PTPRG: variants seen among roughly 807,000 people sequenced by gnomAD.
PTPRG encodes protein tyrosine phosphatase receptor type G, also known as receptor-type tyrosine-protein phosphatase gamma.
A neutral mutation model predicts 165.3 loss-of-function variants in PTPRG; 102 were observed. That is an observed-to-expected ratio of 0.62 (90% CI 0.53 to 0.73). PTPRG has a LOEUF of 0.73. Ranked by LOEUF, PTPRG falls within the 30% of genes least tolerant of loss-of-function variation. PTPRG has a pLI of 0.00. For synonymous variants in PTPRG, 675 were observed against 669.5 expected (o/e 1.01, Z -0.13); for missense variants, 1,866 against 1,861.4 (o/e 1.00, Z -0.05).
chr3:61,913,014 C>A (rs1239606086), intron 2 of PTPRG, among the ~76,000 whole-genome samples: 1 of 152,168 alleles, frequency 6.6e-6, no homozygotes, highest in Non-Finnish European at 1.5e-5. Context: ...AGAGCACCAG[C>A]CAAGGAGACC....
intron 11 of PTPRG, among the ~76,000 whole-genome samples, chr3:62,202,602 A>C (rs890787580): frequency 1.3e-5 from 2 of 152,240 alleles, no homozygotes; most frequent in Non-Finnish European, 2.9e-5. Flanking sequence ...TGCCCAGAGC[A>C]TGCAGTGCAG....
At chr3:62,178,821 T>C (rs1343532803) in intron 8 of PTPRG, among the ~76,000 whole-genome samples, 2 of 152,358 alleles carry the variant, frequency 1.3e-5, no homozygotes, top group African/African-American at 2.4e-5. Context: ...CTTTCTTTGC[T>C]CACTAGAAAA....
chr3:62,260,915 T>C (rs967693943), intron 16 of PTPRG: 3 of 152,194 alleles, frequency 2.0e-5, no homozygotes, highest in African/African-American at 7.2e-5. Flanking sequence ...CTGTCATTCA[T>C]CTAATTGGAA....
At chr3:61,709,246 G>T (rs111297641) in intron 1 of PTPRG, among the ~76,000 whole-genome samples, 2,183 of 152,166 alleles carry the variant, frequency 0.014, 62 homozygotes, top group African/African-American at 0.049. Flanking sequence ...CAAAACTCTT[G>T]GCCATATATG....
intron 1 of PTPRG, among the ~76,000 whole-genome samples, chr3:61,705,556 A>T (rs757651241): frequency 2.0e-4 from 30 of 152,324 alleles, no homozygotes; most frequent in Middle Eastern, 3.4e-3. Context: ...CATCAAAGAA[A>T]GGATGCTTTG....
At chr3:61,563,552 G>T (rs1309807517) in intron 1 of PTPRG, among the ~76,000 whole-genome samples, 1 of 152,190 alleles carries the variant, frequency 6.6e-6, no homozygotes, top group Admixed American at 6.5e-5. Flanking sequence ...AAGAAGGGGT[G>T]ATTTGCTTTT....
chr3:61,917,958 A>C (rs1419562609), intron 2 of PTPRG, among the ~76,000 whole-genome samples: 1 of 140,110 alleles, frequency 7.1e-6, no homozygotes, highest in Non-Finnish European at 1.7e-5. Context: ...TAAATAAATA[A>C]AAGAAGAAGA....
chr3:61,573,836 TCTTC>T (rs2106779985), intron 1 of PTPRG, among the ~76,000 whole-genome samples: 1 of 152,340 alleles, frequency 6.6e-6, no homozygotes, highest in East Asian at 1.9e-4. Flanking sequence ...AAGGTTAATA[TCTTC>T]CTTAAGAGAA....
chr3:62,290,903 T>C (rs1035867708), intron 28 of PTPRG, among the ~76,000 whole-genome samples: 9 of 152,100 alleles, frequency 5.9e-5, no homozygotes, highest in Non-Finnish European at 1.3e-4. Flanking sequence ...AAATAAAAGA[T>C]GTATCAACTT....
intron 2 of PTPRG, among the ~76,000 whole-genome samples, chr3:61,871,912 G>T (rs1193733929): frequency 6.6e-6 from 1 of 152,128 alleles, no homozygotes; most frequent in Non-Finnish European, 1.5e-5. Context: ...TAAGAATCCA[G>T]GGATCTGTGT....
intron 1 of PTPRG, among the ~76,000 whole-genome samples, chr3:61,686,649 C>G (rs189782815): frequency 6.6e-6 from 1 of 152,286 alleles, no homozygotes; most frequent in East Asian, 1.9e-4. Context: ...AACCTGACAG[C>G]CCATTAATAG....
chr3:62,119,661 C>A (rs556308128), intron 5 of PTPRG, among the ~76,000 whole-genome samples: 1 of 151,726 alleles, frequency 6.6e-6, no homozygotes, highest in Non-Finnish European at 1.5e-5. Flanking sequence ...TGCTTTGTCA[C>A]CCAGGCTGCA....
Position 62,029,351 on chromosome 3 carries a change from C to A in PTPRG, c.519+25854C>A, listed in dbSNP as rs150022612. Among the ~76,000 whole-genome samples, 491 of 152,228 alleles carry A rather than the reference C, an allele frequency of 3.2e-3. 3 individuals are homozygous for A. Among genetic ancestry groups the A allele is most frequent in the African/African-American group, 0.011 (471 of 41,534 alleles). On this transcript the variant is annotated intron_variant, in intron 4 of 29. Coordinates refer to ENST00000474889, the MANE Select transcript of PTPRG (RefSeq NM_002841.4). Reference sequence around the variant, plus strand: ...CTCACTGTCACAAGCTTCAAATGTGCGTCCCAGAAAGGAAGAGAAAGCTGT... The same window carrying A: ...CTCACTGTCACAAGCTTCAAATGTGAGTCCCAGAAAGGAAGAGAAAGCTGT...
intron 13 of PTPRG, among the ~76,000 whole-genome samples, chr3:62,230,402 A>T (rs1268769423): frequency 6.6e-6 from 1 of 152,188 alleles, no homozygotes; most frequent in Non-Finnish European, 1.5e-5. Flanking sequence ...AAAAAAAGAG[A>T]ACTTCCATAT....
chr3:62,132,480 T>G, intron 5 of PTPRG, 122 bp from the exon 6 acceptor site: 2 of 777,816 alleles, frequency 2.6e-6, no homozygotes, highest in Non-Finnish European at 2.3e-6. Context: ...ATGGTGTATG[T>G]GAGACCTAAG....
At chr3:62,041,056 C>CT (rs1407819566) in intron 4 of PTPRG, among the ~76,000 whole-genome samples, 1 of 152,230 alleles carries the variant, frequency 6.6e-6, no homozygotes, top group Non-Finnish European at 1.5e-5. Context: ...TTCAGTGTCT[C>CT]TGTCTCTTCC....
chr3:62,131,607 T>C lies in PTPRG; in HGVS notation c.616-995T>C, dbSNP rs139881939. On this transcript the variant is annotated intron_variant, in intron 5 of 29. Coordinates refer to ENST00000474889, the MANE Select transcript of PTPRG (RefSeq NM_002841.4). ...AGAAGTGGATTAGATATAAATACTA[T>C]CAATGGGGGATGGGGGAAGCAGGAG... is the stretch of plus-strand genomic sequence containing the variant. Among the ~76,000 whole-genome samples the C allele has an allele frequency of 2.2e-3, 339 of 152,254 alleles. 4 individuals are homozygous for C. The highest frequency in any genetic ancestry group is 7.7e-3 in the African/African-American group (319 of 41,544).
intron 1 of PTPRG, among the ~76,000 whole-genome samples, chr3:61,652,122 AG>A (rs1331016565): frequency 2.6e-5 from 4 of 152,154 alleles, no homozygotes; most frequent in African/African-American, 9.7e-5. Context: ...AGCCTGGCCA[AG>A]ATGGTAAAAC....
chr3:61,731,016 G>T (rs1452159849), intron 1 of PTPRG, among the ~76,000 whole-genome samples: 1 of 152,144 alleles, frequency 6.6e-6, no homozygotes, highest in Non-Finnish European at 1.5e-5. Context: ...CTGAAAACCT[G>T]TTGAACACTG....
Sources: allele counts gnomAD v4.1 joint callset (sites outside exome capture counted in the v4.1 genomes callset), GRCh38; gene constraint gnomAD v4.1.1; transcripts MANE v1.5; gene names NCBI Gene and HGNC (gene_info 2026-07-23, HGNC 2026-07-21).